CCAR1: variants seen among roughly 807,000 people sequenced by gnomAD.
CCAR1 encodes the protein cell division cycle and apoptosis regulator protein 1.
Under a neutral mutation model 163.8 loss-of-function variants are expected in CCAR1, and 78 were observed. The observed-to-expected ratio is 0.48, with a 90% CI of 0.40 to 0.57. CCAR1 has a LOEUF of 0.57. CCAR1 is among the 20% of genes least tolerant of loss of function. The probability of loss-of-function intolerance (pLI) is 0.00; values close to 1 mark genes in which losing one functional copy is unlikely to be tolerated. For synonymous variants in CCAR1, 443 were observed against 460.7 expected (o/e 0.96, Z 0.49); for missense variants, 1,019 against 1,365.2 (o/e 0.75, Z 4.00).
At chr10:68,776,337 G>T (rs1047133855) in intron 19 of CCAR1, among the ~76,000 whole-genome samples, 12 of 151,754 alleles carry the variant, frequency 7.9e-5, no homozygotes, top group African/African-American at 2.9e-4. Context: ...GCCAAGGTGG[G>T]TGGATCACCT....
intron 16 of CCAR1, among the ~76,000 whole-genome samples, chr10:68,764,552 G>A (rs1018622873): frequency 6.6e-6 from 1 of 151,374 alleles, no homozygotes; most frequent in Non-Finnish European, 1.5e-5. Flanking sequence ...AAAAAAAAAA[G>A]TTGCATGTAT....
chr10:68,763,598 C>T (rs893784795), intron 16 of CCAR1, among the ~76,000 whole-genome samples: 10 of 152,132 alleles, frequency 6.6e-5, no homozygotes, highest in Admixed American at 5.9e-4. Context: ...CAGGCGCCTG[C>T]CACCATGCCT....
intron 2 of CCAR1, among the ~76,000 whole-genome samples, chr10:68,724,246 T>C (rs950487247): frequency 6.6e-6 from 1 of 152,142 alleles, no homozygotes; most frequent in Non-Finnish European, 1.5e-5. Flanking sequence ...GCAGATCACC[T>C]GAGGTCAGGA....
In CCAR1 at chr10:68,722,592, T is replaced by C. The variant is rs374203468; in HGVS notation, c.73+15T>C. On this transcript the variant is annotated intron_variant, in intron 2 of 24. Coordinates refer to ENST00000265872, the MANE Select transcript of CCAR1 (RefSeq NM_018237.4). ...ATCACAGCCAGGTCAGGCTTCTAAA[T>C]ACATGTACTGTAATTGTTTGTGGGG... 7.6e-6 allele frequency: 12 copies of C among 1,589,240 alleles called. No individual in the cohort carries two copies. The highest frequency in any genetic ancestry group is 9.5e-6 in the Non-Finnish European group (11 of 1,157,592).
rs190175300 is a variant in CCAR1 at position 68,763,865 on chromosome 10, C to T, written c.2107-2023C>T. 1.7e-3 allele frequency among the ~76,000 whole-genome samples: 260 copies of T among 152,280 alleles called. 1 individual carries two copies. The highest frequency in any genetic ancestry group is 5.4e-3 in the African/African-American group (226 of 41,560). ...TTTTGAGGACTTCTTTACTTACTAG[C>T]ATTTTAAAGCATTTCAGTTTTATTT... On this transcript the variant is annotated intron_variant, in intron 16 of 24. Transcript: ENST00000265872.
At chr10:68,786,267 A>T in intron 20 of CCAR1, 49 bp downstream of exon 20, 1 of 1,250,722 alleles carries the variant, frequency 8.0e-7, no homozygotes, top group Non-Finnish European at 1.2e-6. Flanking sequence ...ATCTTACATC[A>T]TCTAAACATA....
At chr10:68,731,094 A>G (rs2056031991) in intron 2 of CCAR1, among the ~76,000 whole-genome samples, 2 of 152,230 alleles carry the variant, frequency 1.3e-5, no homozygotes, top group South Asian at 2.1e-4. Context: ...TGATTGTGGT[A>G]TGGGACCTTT....
intron 1 of CCAR1, 98 bp from the exon 2 acceptor site, chr10:68,722,357 A>G (rs2055871265): frequency 1.4e-6 from 1 of 692,794 alleles, no homozygotes; most frequent in East Asian, 2.5e-5. Flanking sequence ...ATCTGCGAAG[A>G]CGTCCTCGAC....
chr10:68,787,661 C>T (rs1415262172), intron 21 of CCAR1, among the ~76,000 whole-genome samples: 2 of 152,130 alleles, frequency 1.3e-5, no homozygotes, highest in South Asian at 2.1e-4. Context: ...CATGGTGAAA[C>T]CCTGTCTCTC....
At chr10:68,772,316 C>A (rs577746350) in intron 18 of CCAR1, among the ~76,000 whole-genome samples, 38 of 152,076 alleles carry the variant, frequency 2.5e-4, no homozygotes, top group Non-Finnish European at 2.8e-4. Context: ...AACCCCCTCT[C>A]TACAAAAATT....
chr10:68,728,072 GGTA>G lies in CCAR1; in HGVS notation c.73+5496_73+5498del, dbSNP rs529862254. ...GGCTGCTCTTGAACTTCTGACCTCA[GGTA>G]ATCCATCCGCCTTGGCCTCCCAAAA... On this transcript the variant is annotated intron_variant, in intron 2 of 24. Transcript: ENST00000265872. Among the ~76,000 whole-genome samples, 153 of 152,226 alleles carry G rather than the reference GGTA, an allele frequency of 1.0e-3. 1 individual carries two copies. Among genetic ancestry groups the G allele is most frequent in the African/African-American group, 3.6e-3 (149 of 41,542 alleles).
chr10:68,741,017 G>A (rs990202046), intron 5 of CCAR1, among the ~76,000 whole-genome samples: 15 of 151,734 alleles, frequency 9.9e-5, no homozygotes, highest in African/African-American at 3.4e-4. Flanking sequence ...GGGTTCAAGC[G>A]ATTCTCCTCT....
At chr10:68,738,532 C>T (rs968974721) in intron 4 of CCAR1, among the ~76,000 whole-genome samples, 1 of 152,186 alleles carries the variant, frequency 6.6e-6, no homozygotes, top group Admixed American at 6.6e-5. Flanking sequence ...TGAACTAGAC[C>T]ACATGTGAAA....
At chr10:68,773,179 ATACTTTT>A in intron 19 of CCAR1, 80 bp downstream of exon 19, 2 of 729,848 alleles carry the variant, frequency 2.7e-6, no homozygotes, top group Non-Finnish European at 4.5e-6. Flanking sequence ...ACTGAAATCT[ATACTTTT>A]AACATTTTTT....
chr10:68,731,199 T>C (rs1449364459), intron 2 of CCAR1, among the ~76,000 whole-genome samples: 1 of 152,212 alleles, frequency 6.6e-6, no homozygotes, highest in Non-Finnish European at 1.5e-5. Context: ...TAGCTATTTA[T>C]GTGTGTGAGG....
chr10:68,762,606 A>G (rs1013221570), intron 16 of CCAR1, among the ~76,000 whole-genome samples: 2 of 152,214 alleles, frequency 1.3e-5, no homozygotes, highest in African/African-American at 2.4e-5. Flanking sequence ...CAGTAATTGG[A>G]TAAGCCACAT....
chr10:68,788,648 C>G (rs1477755393), intron 23 of CCAR1, among the ~76,000 whole-genome samples: 1 of 152,042 alleles, frequency 6.6e-6, no homozygotes, highest in Non-Finnish European at 1.5e-5. Flanking sequence ...CCATGCCCAG[C>G]TATTTTTTGT....
chr10:68,790,729 C>CG (rs1564556770), intron 24 of CCAR1, among the ~76,000 whole-genome samples: 2 of 151,858 alleles, frequency 1.3e-5, no homozygotes, highest in African/African-American at 4.8e-5. Context: ...GGGTTTCAGA[C>CG]CGGGCGCGGT....
At chr10:68,775,316 A>C (rs1382299367) in intron 19 of CCAR1, among the ~76,000 whole-genome samples, 1 of 152,180 alleles carries the variant, frequency 6.6e-6, no homozygotes, top group Non-Finnish European at 1.5e-5. Context: ...TAGCAGTGAC[A>C]TAATATTCAT....
Sources: gnomAD v4.1 joint callset for allele counts (sites outside exome capture counted in the v4.1 genomes callset) on GRCh38, gnomAD v4.1.1 for gene constraint, MANE v1.5 for transcripts, NCBI Gene and HGNC (gene_info 2026-07-23, HGNC 2026-07-21) for gene names.